Variants in PATJ observed in about 807,000 individuals in gnomAD.
The protein encoded by PATJ is PATJ crumbs cell polarity complex component.
PATJ carries 190 observed loss-of-function variants against 224.9 expected under a neutral mutation model. The observed-to-expected ratio is 0.84, with a 90% CI of 0.75 to 0.95. PATJ has a LOEUF of 0.95. Ranked by LOEUF, PATJ falls within the 40% of genes least tolerant of loss-of-function variation. The probability of loss-of-function intolerance (pLI) is 0.00; values close to 1 mark genes in which losing one functional copy is unlikely to be tolerated. For synonymous variants in PATJ, 769 were observed against 820.3 expected (o/e 0.94, Z 1.07); for missense variants, 2,121 against 2,270.3 (o/e 0.93, Z 1.34).
In PATJ at chr1:61,855,512, C is replaced by T. The variant is rs531985748; in HGVS notation, c.2113-518C>T. ...ACTTCCTGGGCTGAAGCAATCCTTC[C>T]ACCTCAGCACCCCCTGCTCCACCTC... On this transcript the variant is annotated intron_variant, in intron 17 of 43. Transcript: ENST00000642238. 2.0e-5 allele frequency among the ~76,000 whole-genome samples: 3 copies of T among 152,176 alleles called. No homozygotes were observed. The South Asian group carries it at 6.2e-4, about 32-fold the overall frequency.
chr1:62,157,945 C>A (rs1195654012), intron 43 of PATJ, among the ~76,000 whole-genome samples: 1 of 148,276 alleles, frequency 6.7e-6, no homozygotes, highest in Non-Finnish European at 1.5e-5. Flanking sequence ...TTCAGCAACT[C>A]TAAAAATTTC....
chr1:61,792,316 G>T (rs1234736662), intron 9 of PATJ, among the ~76,000 whole-genome samples: 1 of 152,050 alleles, frequency 6.6e-6, no homozygotes, highest in Non-Finnish European at 1.5e-5. Context: ...ACATTCAAAA[G>T]AGCTCAGTGT....
At chr1:61,824,791 G>A (rs1010754757) in intron 15 of PATJ, among the ~76,000 whole-genome samples, 4 of 152,102 alleles carry the variant, frequency 2.6e-5, no homozygotes, top group Admixed American at 1.3e-4. Context: ...GTATGTGGTA[G>A]GCACTAAAGA....
intron 39 of PATJ, among the ~76,000 whole-genome samples, chr1:62,124,057 A>G (rs535546373): frequency 6.6e-6 from 1 of 151,986 alleles, no homozygotes; most frequent in African/African-American, 2.4e-5. Flanking sequence ...CTGTGTGATG[A>G]TATCTAATGA....
chr1:61,787,793 G>T lies in PATJ; in HGVS notation c.889G>T (p.Gly297Cys). ...LQTGDHILKIGGTNVQGMTSE... is the reference protein window; with the variant it reads ...LQTGDHILKICGTNVQGMTSE... ...GACAGGGGACCACATCTTGAAGATTGGTGGCACAAACGTGCAGGGAATGAC... is the reference window on the plus strand; with the variant it reads ...GACAGGGGACCACATCTTGAAGATTTGTGGCACAAACGTGCAGGGAATGAC... Residue 297 changes from glycine (G) to cysteine (C), a missense_variant, in exon 8 of 44, where the codon GGT becomes TGT. Coordinates refer to ENST00000642238, the MANE Select transcript of PATJ (RefSeq NM_001350145.3). The T allele has an allele frequency of 1.2e-6, 2 of 1,614,050 alleles. No homozygotes were observed. The highest frequency in any genetic ancestry group is 1.7e-6 in the Non-Finnish European group (2 of 1,179,898).
intron 15 of PATJ, among the ~76,000 whole-genome samples, chr1:61,826,367 G>A (rs887134682): frequency 1.3e-5 from 2 of 152,106 alleles, no homozygotes; most frequent in African/African-American, 2.4e-5. Context: ...ACATTAGCAC[G>A]GCACCTATTA....
Position 61,992,243 on chromosome 1 carries a change from G to A in PATJ, c.3867+1879G>A, listed in dbSNP as rs557956745. ...AGAGATTTTCCTGCCTCAGCCTCCC[G>A]AGTAGCCAGGATTACAGGCAAGTGC... On this transcript the variant is annotated intron_variant, in intron 28 of 43. Transcript: ENST00000642238. Among the ~76,000 whole-genome samples, 7 of 151,446 alleles carry A rather than the reference G, an allele frequency of 4.6e-5. No homozygotes were observed. In the East Asian group the frequency reaches 7.8e-4, roughly 17 times the overall value.
At chr1:61,934,720 C>CTT (rs977025153) in intron 27 of PATJ, among the ~76,000 whole-genome samples, 2 of 152,146 alleles carry the variant, frequency 1.3e-5, no homozygotes, top group Non-Finnish European at 2.9e-5. Flanking sequence ...ACTTAACACT[C>CTT]TAAGTTCCAT....
At chr1:61,860,551 C>T (rs1241443644) in intron 18 of PATJ, among the ~76,000 whole-genome samples, 3 of 151,512 alleles carry the variant, frequency 2.0e-5, no homozygotes, top group Middle Eastern at 3.4e-3. Flanking sequence ...TGGCTGTACG[C>T]GGTGGCTCAC....
intron 31 of PATJ, among the ~76,000 whole-genome samples, chr1:62,068,881 A>G (rs745515563): frequency 5.9e-5 from 9 of 152,236 alleles, no homozygotes; most frequent in Non-Finnish European, 1.0e-4. Context: ...TGACCTTTCT[A>G]CAACATTTCT....
chr1:61,983,585 G>T (rs1557989127), intron 27 of PATJ, among the ~76,000 whole-genome samples: 1 of 152,046 alleles, frequency 6.6e-6, no homozygotes, highest in Admixed American at 6.5e-5. Flanking sequence ...CTTTTATGTA[G>T]CATTGTTTGG....
rs1473492026 is a variant in PATJ, at chr1:62,161,158, A to C, written c.*104A>C. On this transcript the variant is annotated 3_prime_UTR_variant, in exon 44 of 44. Transcript: ENST00000642238. ...GCACCCTCAACTAAAATGCACCTTC[A>C]TTCTTATTTCTTGCCCTCTCTGCTC... The C allele has an allele frequency of 1.1e-5, 10 of 906,656 alleles. No individual in the cohort carries two copies. Among genetic ancestry groups the C allele is most frequent in the Non-Finnish European group, 1.5e-5 (10 of 663,468 alleles). 56.2% of individuals were successfully genotyped at this position (906,656 alleles called of 1,614,324 possible).
chr1:62,121,490 C>T (rs1396404941), intron 38 of PATJ, among the ~76,000 whole-genome samples, 195 bp downstream of exon 38: 1 of 152,074 alleles, frequency 6.6e-6, no homozygotes, highest in Non-Finnish European at 1.5e-5. Flanking sequence ...GGTGGCCAGG[C>T]ATGGTGGCTC....
At chr1:62,038,974 G>A (rs564257444) in intron 30 of PATJ, 4 of 1,375,282 alleles carry the variant, frequency 2.9e-6, no homozygotes, top group Non-Finnish European at 4.1e-6. Context: ...AGTGATATCT[G>A]TTCTAGCCCA....
chr1:61,769,391 A>G lies in PATJ; in HGVS notation c.493A>G (p.Lys165Glu), dbSNP rs1449707838. 6.2e-7 allele frequency: 1 copy of G among 1,614,126 alleles called. No individual in the cohort carries two copies. Among genetic ancestry groups the G allele is most frequent in the South Asian group, 1.1e-5 (1 of 91,076 alleles). ...TCTCGGAAAAGTTGATATCTTCGTG[A>G]AGGATGTCCAGCCAGGGAGTGTAGC... The part of the protein sequence containing the change: ...QNLGKVDIFV[K>E]DVQPGSVADR... The change falls in exon 5 of 44, where the codon AAG becomes GAG. Residue 165 changes from lysine to glutamate, a missense_variant. Transcript: ENST00000642238.
chr1:62,005,216 G>A (rs964172310), intron 28 of PATJ, among the ~76,000 whole-genome samples: 1 of 151,460 alleles, frequency 6.6e-6, no homozygotes, highest in Non-Finnish European at 1.5e-5. Context: ...GCTTACTGCA[G>A]CCTCCACCTC....
chr1:62,108,580 C>G (rs994206506), intron 34 of PATJ, 60 bp downstream of exon 34: 2 of 997,420 alleles, frequency 2.0e-6, no homozygotes, highest in Non-Finnish European at 3.0e-6. Flanking sequence ...TGGTCTCGAT[C>G]CATAAAGTTG....
chr1:62,017,729 C>CA (rs58692636), intron 28 of PATJ, 127 bp from the exon 29 acceptor site: 25,531 of 322,600 alleles, frequency 0.079, 37 homozygotes, highest in East Asian at 0.13. Flanking sequence ...GAGACTGTCT[C>CA]AAAAAAAAAA....
intron 33 of PATJ, among the ~76,000 whole-genome samples, chr1:62,092,490 C>T (rs1280675564): frequency 2.0e-5 from 3 of 146,976 alleles, no homozygotes; most frequent in Middle Eastern, 3.2e-3. Context: ...TTTTTTTAGA[C>T]GGAGTCTCAC....
Sources: allele counts gnomAD v4.1 joint callset (sites outside exome capture counted in the v4.1 genomes callset), GRCh38; gene constraint gnomAD v4.1.1; transcripts MANE v1.5; gene names NCBI Gene and HGNC (gene_info 2026-07-23, HGNC 2026-07-21).